The following CAMTA1 variants were observed in gnomAD, a reference collection of about 807,000 sequenced individuals.
CAMTA1 encodes calmodulin binding transcription activator 1, also known as calmodulin-binding transcription activator 1.
Under a neutral mutation model 170.9 loss-of-function variants are expected in CAMTA1, and 27 were observed. The ratio of observed to expected loss-of-function variants is 0.16; its 90% CI spans 0.12 to 0.22. CAMTA1 has a LOEUF of 0.22. Ranked by LOEUF, CAMTA1 falls within the 10% of genes least tolerant of loss-of-function variation. CAMTA1 has a pLI of 1.00. For missense variants in CAMTA1, 1,619 were observed against 2,217.2 expected, an observed-to-expected ratio of 0.73 and a Z score of 5.42; for synonymous variants, 833 against 891.5, an observed-to-expected ratio of 0.93 and a Z score of 1.17.
At chr1:7,060,627 G>A (rs1048950343) in intron 3 of CAMTA1, among the ~76,000 whole-genome samples, 5 of 152,182 alleles carry the variant, frequency 3.3e-5, no homozygotes, top group African/African-American at 9.7e-5. Context: ...AGACCCCTTG[G>A]GAAAAGCACA....
chr1:6,991,561 G>A (rs1259325466), intron 3 of CAMTA1, among the ~76,000 whole-genome samples: 2 of 152,162 alleles, frequency 1.3e-5, no homozygotes, highest in African/African-American at 2.4e-5. Context: ...ATTAAACATC[G>A]TGGATTTCCC....
chr1:7,068,794 T>A (rs1312969537), intron 3 of CAMTA1, among the ~76,000 whole-genome samples: 2 of 152,146 alleles, frequency 1.3e-5, no homozygotes, highest in African/African-American at 2.4e-5. Flanking sequence ...ATTTTCTTAT[T>A]TCTTAGCATG....
At position 7,547,562 on chromosome 1, in the gene CAMTA1, A is replaced by G. The variant is rs1575950114; in HGVS notation, c.510+79661A>G. ...CATAGCATTTACATTGTTACTAGGT[A>G]TTATAAGTAATCTAAAGATGATTTA... On this transcript the variant is annotated intron_variant, in intron 6 of 22. Coordinates refer to ENST00000303635, the MANE Select transcript of CAMTA1 (RefSeq NM_015215.4). This position sits in a 1 kb window ranked among gnomAD's most constrained non-coding sequence, Gnocchi z 5.7. Among the ~76,000 whole-genome samples the G allele has an allele frequency of 2.6e-5, 4 of 152,242 alleles. No individual in the cohort carries two copies. The South Asian group carries it at 8.3e-4, about 32-fold the overall frequency.
chr1:7,729,206 T>C (rs917399095), intron 11 of CAMTA1, among the ~76,000 whole-genome samples: 2 of 148,954 alleles, frequency 1.3e-5, no homozygotes, highest in Non-Finnish European at 3.0e-5. Flanking sequence ...AACCTCCACC[T>C]CCTGAGTTCA....
intron 7 of CAMTA1, 150 bp downstream of exon 7, chr1:7,640,703 T>C (rs2095753968): frequency 5.5e-6 from 5 of 911,206 alleles, no homozygotes; most frequent in African/African-American, 3.3e-5. Context: ...GCTTAGCTTT[T>C]GCCCCACCTT....
intron 3 of CAMTA1, among the ~76,000 whole-genome samples, chr1:7,021,862 T>C (rs1206780960): frequency 2.0e-5 from 3 of 152,204 alleles, no homozygotes; most frequent in Admixed American, 1.3e-4. Context: ...CAGGGGGCAT[T>C]TCTTTCTGGG....
At chr1:7,042,385 A>C (rs537380268) in intron 3 of CAMTA1, among the ~76,000 whole-genome samples, 1 of 151,882 alleles carries the variant, frequency 6.6e-6, no homozygotes, top group African/African-American at 2.4e-5. Context: ...CTTGGCTGGG[A>C]CTTGTGATTC....
chr1:7,240,166 G>A (rs1327796444), intron 4 of CAMTA1, among the ~76,000 whole-genome samples: 1 of 152,042 alleles, frequency 6.6e-6, no homozygotes, highest in African/African-American at 2.4e-5. Flanking sequence ...AATTCATTAG[G>A]GATGACAAAA....
intron 5 of CAMTA1, among the ~76,000 whole-genome samples, chr1:7,297,583 G>A (rs1224582207): frequency 6.6e-6 from 1 of 152,224 alleles, no homozygotes; most frequent in African/African-American, 2.4e-5. Flanking sequence ...CCTCAACCAA[G>A]TACTCACAGG....
rs528121721 is a variant in CAMTA1, at chr1:7,470,477, A to G, written c.510+2576A>G. 5.9e-5 allele frequency among the ~76,000 whole-genome samples: 9 copies of G among 152,276 alleles called. No homozygotes were observed. In the East Asian group the frequency reaches 1.4e-3, roughly 23 times the overall value. On this transcript the variant is annotated intron_variant, in intron 6 of 22. Coordinates refer to ENST00000303635, the MANE Select transcript of CAMTA1 (RefSeq NM_015215.4). ...TCTCTGACACCAATTACCAAGAAAA[A>G]GGATTAGGTGGGGTCCAAGGTGTCA...
chr1:7,008,563 G>C (rs1230160777), intron 3 of CAMTA1: 1 of 152,174 alleles, frequency 6.6e-6, no homozygotes, highest in Non-Finnish European at 1.5e-5. Context: ...CCTCCACAGA[G>C]CACCGTGCCA....
chr1:7,702,330 C>T (rs1055539112), intron 11 of CAMTA1, among the ~76,000 whole-genome samples: 7 of 152,046 alleles, frequency 4.6e-5, no homozygotes, highest in African/African-American at 1.4e-4. Flanking sequence ...CTTGTGTCTG[C>T]CAAAACAAAC....
intron 6 of CAMTA1, among the ~76,000 whole-genome samples, chr1:7,527,805 C>T (rs970965385): frequency 3.9e-5 from 6 of 152,202 alleles, no homozygotes; most frequent in African/African-American, 1.2e-4. Flanking sequence ...CAAGTGGCTG[C>T]GGTTCTCCGA....
chr1:7,356,014 G>C (rs1478866717), intron 5 of CAMTA1, among the ~76,000 whole-genome samples: 1 of 152,258 alleles, frequency 6.6e-6, no homozygotes, highest in Non-Finnish European at 1.5e-5. Flanking sequence ...GAACAGAAAG[G>C]TTCACCAACC....
intron 3 of CAMTA1, among the ~76,000 whole-genome samples, chr1:7,072,401 G>C (rs1638767863): frequency 6.6e-6 from 1 of 152,194 alleles, no homozygotes; most frequent in Non-Finnish European, 1.5e-5. Context: ...GTGCGACCTT[G>C]AACAGATTTA....
chr1:7,701,574 C>A (rs781138757), intron 11 of CAMTA1, among the ~76,000 whole-genome samples: 14 of 152,004 alleles, frequency 9.2e-5, no homozygotes, highest in Admixed American at 1.3e-4. Flanking sequence ...CACCACCACA[C>A]CCCGCTAATT....
Position 7,468,865 on chromosome 1 carries a change from G to T in CAMTA1, c.510+964G>T, listed in dbSNP as rs542217929. Among the ~76,000 whole-genome samples the T allele has an allele frequency of 4.6e-5, 7 of 152,302 alleles. No individual in the cohort carries two copies. The South Asian group carries it at 6.2e-4, about 14-fold the overall frequency. ...AGGGGCCTGGCAGCTGGGGAAGCAA[G>T]TCCCCCAGTGCTATGACACAAGCTC... On this transcript the variant is annotated intron_variant, in intron 6 of 22. Transcript: ENST00000303635.
intron 5 of CAMTA1, among the ~76,000 whole-genome samples, chr1:7,279,084 G>A (rs1671139677): frequency 1.3e-5 from 2 of 152,164 alleles, no homozygotes; most frequent in South Asian, 4.2e-4. Context: ...TGAAGGGTGG[G>A]CAGTTCAGGT....
At chr1:6,936,081 A>C (rs900869583) in intron 3 of CAMTA1, among the ~76,000 whole-genome samples, 1 of 152,198 alleles carries the variant, frequency 6.6e-6, no homozygotes, top group Non-Finnish European at 1.5e-5. Context: ...AACCTTCTGG[A>C]AAATAAAAAC....
Sources: allele counts gnomAD v4.1 joint callset (sites outside exome capture counted in the v4.1 genomes callset), GRCh38; gene constraint gnomAD v4.1.1; non-coding constraint Gnocchi (gnomAD v3.1); transcripts MANE v1.5; gene names NCBI Gene and HGNC (gene_info 2026-07-23, HGNC 2026-07-21).